The following HMGCLL1 variants were observed in gnomAD, a reference collection of about 807,000 sequenced individuals.
The protein encoded by HMGCLL1 is 3-hydroxy-3-methylglutaryl-CoA lyase like 1.
A neutral mutation model predicts 39.1 loss-of-function variants in HMGCLL1; 36 were observed. That is an observed-to-expected ratio of 0.92 (90% CI 0.71 to 1.22). HMGCLL1 has a LOEUF of 1.22. Ranked by LOEUF, HMGCLL1 falls within the 50% of genes most tolerant of loss-of-function variation. The pLI is 0.00. For synonymous variants in HMGCLL1, 149 were observed against 144.0 expected (o/e 1.03, Z -0.25); for missense variants, 451 against 416.5 (o/e 1.08, Z -0.72).
chr6:55,573,613 T>C (rs1771625479), intron 1 of HMGCLL1, among the ~76,000 whole-genome samples: 1 of 151,672 alleles, frequency 6.6e-6, no homozygotes, highest in Non-Finnish European at 1.5e-5. Flanking sequence ...AAATGGAATA[T>C]AAATGAGAAG....
At chr6:55,547,923 A>C (rs1246571050) in intron 1 of HMGCLL1, among the ~76,000 whole-genome samples, 3 of 152,046 alleles carry the variant, frequency 2.0e-5, no homozygotes, top group Non-Finnish European at 4.4e-5. Context: ...CATCCAGAGC[A>C]ATCAAAAGAC....
chr6:55,514,439 G>A (rs925626732), intron 4 of HMGCLL1, among the ~76,000 whole-genome samples: 4 of 152,006 alleles, frequency 2.6e-5, no homozygotes, highest in Non-Finnish European at 5.9e-5. Context: ...AAAACACAAT[G>A]AGGATGTTCT....
intron 7 of HMGCLL1, among the ~76,000 whole-genome samples, chr6:55,492,961 T>TCA (rs370977049): frequency 3.3e-5 from 5 of 151,112 alleles, no homozygotes; most frequent in Admixed American, 1.3e-4. Flanking sequence ...ATCTCTCCCC[T>TCA]CACACACACA....
At chr6:55,626,121 C>T in the HMGCLL1 span, among the ~76,000 whole-genome samples, 5 of 152,218 alleles carry the variant, frequency 3.3e-5, no homozygotes, top group African/African-American at 1.2e-4. Flanking sequence ...GACACCATTC[C>T]TTGGGGTGAT....
chr6:55,487,939 ACT>A (rs1766124179), intron 7 of HMGCLL1, among the ~76,000 whole-genome samples: 1 of 151,922 alleles, frequency 6.6e-6, no homozygotes, highest in Admixed American at 6.6e-5. Context: ...CCTACTGGAA[ACT>A]CTCCAAGGTC....
At chr6:55,602,000 A>C in the HMGCLL1 span, among the ~76,000 whole-genome samples, 2 of 152,104 alleles carry the variant, frequency 1.3e-5, no homozygotes, top group South Asian at 4.1e-4. Flanking sequence ...CAGTTTCCAC[A>C]AAAATTTCTT....
chr6:55,529,351 A>G (rs1193159389), intron 3 of HMGCLL1, among the ~76,000 whole-genome samples: 1 of 152,166 alleles, frequency 6.6e-6, no homozygotes, highest in African/African-American at 2.4e-5. Flanking sequence ...GTTACTGTAT[A>G]CAGACTGTAA....
chr6:55,639,509 T>A, the HMGCLL1 span, among the ~76,000 whole-genome samples: 1,393 of 151,810 alleles, frequency 9.2e-3, 27 homozygotes, highest in African/African-American at 0.032. Flanking sequence ...ACAGGCATAT[T>A]TATTTTTGTT....
chr6:55,590,694 C>T, the HMGCLL1 span, among the ~76,000 whole-genome samples: 1 of 151,864 alleles, frequency 6.6e-6, no homozygotes, highest in South Asian at 2.1e-4. Flanking sequence ...ACTGTGGATA[C>T]TATATGTAAA....
chr6:55,457,772 T>C (rs1297277600), intron 7 of HMGCLL1, among the ~76,000 whole-genome samples: 2 of 152,180 alleles, frequency 1.3e-5, no homozygotes, highest in Non-Finnish European at 2.9e-5. Context: ...AGAAAGGAAC[T>C]CTTTTTCATA....
At chr6:55,499,204 C>CGGTA (rs747809132) in intron 6 of HMGCLL1, 32 bp downstream of exon 6, 3 of 1,562,696 alleles carry the variant, frequency 1.9e-6, no homozygotes, top group Non-Finnish European at 8.7e-7. Flanking sequence ...ATCATGTTAC[C>CGGTA]ATAAACCAAA....
At chr6:55,455,583 G>GAT (rs1421877426) in intron 7 of HMGCLL1, among the ~76,000 whole-genome samples, 1 of 152,190 alleles carries the variant, frequency 6.6e-6, no homozygotes, top group Admixed American at 6.5e-5. Flanking sequence ...AAGGCTGAGA[G>GAT]ATAAATGAGA....
chr6:55,629,771 C>G, the HMGCLL1 span, among the ~76,000 whole-genome samples: 1 of 152,148 alleles, frequency 6.6e-6, no homozygotes, highest in African/African-American at 2.4e-5. Context: ...CAGGCCATGT[C>G]TTCAGAGGAT....
the HMGCLL1 span, among the ~76,000 whole-genome samples, chr6:55,619,058 T>C: frequency 6.6e-6 from 1 of 151,970 alleles, no homozygotes; most frequent in Non-Finnish European, 1.5e-5. Flanking sequence ...GACCCATCCC[T>C]GGATGGTAGA....
the HMGCLL1 span, among the ~76,000 whole-genome samples, chr6:55,662,417 C>A: frequency 6.6e-6 from 1 of 151,686 alleles, no homozygotes; most frequent in East Asian, 1.9e-4. Context: ...CACTGAAAGT[C>A]TTTTCTAAGT....
chr6:55,569,522 T>G (rs1771370952), intron 1 of HMGCLL1, among the ~76,000 whole-genome samples: 1 of 152,138 alleles, frequency 6.6e-6, no homozygotes, highest in Non-Finnish European at 1.5e-5. Context: ...ACTGCTTGAG[T>G]TAAAATTCTA....
chr6:55,636,026 T>C, the HMGCLL1 span, among the ~76,000 whole-genome samples: 1 of 152,064 alleles, frequency 6.6e-6, no homozygotes, highest in Non-Finnish European at 1.5e-5. Flanking sequence ...ACCTCTGGTG[T>C]TTCCACTCTG....
At chr6:55,451,064 C>T (rs1485849137) in intron 7 of HMGCLL1, among the ~76,000 whole-genome samples, 1 of 152,082 alleles carries the variant, frequency 6.6e-6, no homozygotes, top group Non-Finnish European at 1.5e-5. Flanking sequence ...TCACAATAGT[C>T]TTCAGTGTGT....
chr6:55,531,601 C>T (rs1226776637), intron 3 of HMGCLL1, among the ~76,000 whole-genome samples: 1 of 152,102 alleles, frequency 6.6e-6, no homozygotes. Context: ...TGGTACCCAA[C>T]CCCCAGTCCA....
Sources: gnomAD v4.1 joint callset for allele counts (sites outside exome capture counted in the v4.1 genomes callset) on GRCh38, gnomAD v4.1.1 for gene constraint, MANE v1.5 for transcripts, NCBI Gene and HGNC (gene_info 2026-07-23, HGNC 2026-07-21) for gene names.